The following SLC12A6 variants were observed in gnomAD, a reference collection of about 807,000 sequenced individuals.
SLC12A6 encodes K-Cl cotransporter 3.
SLC12A6 carries 66 observed loss-of-function variants against 135.3 expected under a neutral mutation model. That is an observed-to-expected ratio of 0.49 (90% CI 0.40 to 0.60). The LOEUF is 0.60. Ranked by LOEUF, SLC12A6 falls within the 20% of genes least tolerant of loss-of-function variation. SLC12A6 has a pLI of 0.00. For synonymous variants in SLC12A6, 513 were observed against 508.8 expected (o/e 1.01, Z -0.11); for missense variants, 1,058 against 1,452.3 (o/e 0.73, Z 4.41).
chr15:34,263,852 G>GC (rs1893321574), intron 3 of SLC12A6, among the ~76,000 whole-genome samples: 2 of 152,206 alleles, frequency 1.3e-5, no homozygotes, highest in South Asian at 4.1e-4. Context: ...GGTTCCCAAT[G>GC]CCCCAAAATG....
chr15:34,312,048 G>A (rs1465893503), intron 2 of SLC12A6, among the ~76,000 whole-genome samples: 7 of 152,074 alleles, frequency 4.6e-5, no homozygotes, highest in African/African-American at 1.7e-4. Context: ...CTTTATAGAT[G>A]GTACATAATC....
intron 3 of SLC12A6, among the ~76,000 whole-genome samples, chr15:34,270,617 A>C (rs931814595): frequency 3.9e-5 from 6 of 152,010 alleles, no homozygotes; most frequent in African/African-American, 7.3e-5. Context: ...AGACTGGACA[A>C]CATGGTGAAA....
chr15:34,307,098 G>T lies in SLC12A6; in HGVS notation c.271+29312C>A, dbSNP rs76872469. 2.7e-3 allele frequency among the ~76,000 whole-genome samples: 404 copies of T among 152,080 alleles called. 21 individuals carry two copies. The East Asian group carries it at 0.07, about 26-fold the overall frequency. On this transcript the variant is annotated intron_variant, in intron 2 of 25. Transcript: ENST00000354181. Reference sequence around the variant, plus strand: ...CTATCTTCATTATAATTATTTCATGGGCATATAAATGTCAAAATTCATCAA... The same window carrying T: ...CTATCTTCATTATAATTATTTCATGTGCATATAAATGTCAAAATTCATCAA...
At chr15:34,294,280 T>A (rs1411290607) in intron 2 of SLC12A6, among the ~76,000 whole-genome samples, 1 of 152,210 alleles carries the variant, frequency 6.6e-6, no homozygotes, top group African/African-American at 2.4e-5. Flanking sequence ...TCACCCAGGC[T>A]GGAGTGCAGT....
intron 2 of SLC12A6, among the ~76,000 whole-genome samples, chr15:34,291,970 T>C (rs1895567000): frequency 6.6e-6 from 1 of 152,182 alleles, no homozygotes; most frequent in Admixed American, 6.5e-5. Flanking sequence ...ACCGACCTTC[T>C]GAAGCCTACT....
chr15:34,280,466 CT>C (rs1243690849), intron 2 of SLC12A6, among the ~76,000 whole-genome samples: 1 of 152,112 alleles, frequency 6.6e-6, no homozygotes, highest in Admixed American at 6.6e-5. Flanking sequence ...GCATTTCTAA[CT>C]TTCTTAACTC....
intron 7 of SLC12A6, 54 bp from the exon 8 acceptor site, chr15:34,255,446 A>C: frequency 1.5e-6 from 2 of 1,318,752 alleles, no homozygotes; most frequent in Non-Finnish European, 2.2e-6. Context: ...TAGCAAGAGG[A>C]ATATGAATAA....
At chr15:34,271,196 T>A (rs1851291927) in intron 3 of SLC12A6, among the ~76,000 whole-genome samples, 1 of 152,214 alleles carries the variant, frequency 6.6e-6, no homozygotes, top group Non-Finnish European at 1.5e-5. Context: ...AATATTTTTC[T>A]TTTAATTTGT....
intron 9 of SLC12A6, 73 bp downstream of exon 9, chr15:34,254,275 A>G: frequency 6.9e-7 from 1 of 1,446,412 alleles, no homozygotes. Flanking sequence ...ATTCTGACTT[A>G]AAATTATCAC....
At chr15:34,336,295 C>T in intron 2 of SLC12A6, 115 bp downstream of exon 2, 1 of 873,298 alleles carries the variant, frequency 1.1e-6, no homozygotes, top group Non-Finnish European at 1.9e-6. Flanking sequence ...TGCCTTGGTT[C>T]CTGATGACTA....
intron 2 of SLC12A6, among the ~76,000 whole-genome samples, chr15:34,291,306 G>T (rs1895508260): frequency 6.6e-6 from 1 of 152,118 alleles, no homozygotes; most frequent in East Asian, 1.9e-4. Context: ...GTTGAATGTT[G>T]GCTCCCACTC....
Position 34,250,305 on chromosome 15 carries a change from T to G in SLC12A6, c.1642A>C (p.Arg548=). The G allele has an allele frequency of 2.6e-6, 4 of 1,558,720 alleles. No individual in the cohort carries two copies. The highest frequency in any genetic ancestry group is 3.5e-6 in the Non-Finnish European group (4 of 1,129,432). Residue 548 remains arginine (R), a synonymous_variant, in exon 13 of 26, where the codon AGA becomes CGA. Coordinates refer to ENST00000354181, the MANE Select transcript of SLC12A6 (RefSeq NM_001365088.1). ...FGACIEGVVL[R]DKFGDAVKGN... is the part of the protein sequence containing the mutation. ...AAGAAATTCATTACTCACTTGTCTC[T>G]GAGAACAACCCCTTCAATACATGCA...
At chr15:34,314,642 G>A (rs1420980399) in intron 2 of SLC12A6, 1 of 152,436 alleles carries the variant, frequency 6.6e-6, no homozygotes. Flanking sequence ...ATGGATCTAA[G>A]CAAAGTACAG....
Position 34,252,309 on chromosome 15 carries a change from G to A in SLC12A6, c.1194C>T (p.Asn398=), listed in dbSNP as rs1015089224. The A allele has an allele frequency of 4.3e-6, 7 of 1,612,028 alleles. No homozygotes were observed. The highest frequency in any genetic ancestry group is 5.9e-6 in the Non-Finnish European group (7 of 1,178,310). The change falls in exon 10 of 26, where the codon AAC becomes AAT. Residue 398 remains asparagine, a synonymous_variant. Transcript: ENST00000354181. The stretch of plus-strand genomic sequence containing the variant: ...CCCATAACTTTGATGGGACTGTCAT[G>A]TTGTTAATTTCCTTGGTCTTAGAGC... ...DVCSKTKEIN[N]MTVPSKLWGF... is the part of the protein sequence containing the mutation.
chr15:34,264,865 T>A (rs1893388766), intron 3 of SLC12A6, among the ~76,000 whole-genome samples: 1 of 152,256 alleles, frequency 6.6e-6, no homozygotes, highest in Non-Finnish European at 1.5e-5. Flanking sequence ...AAAAATGTAA[T>A]TCTTTTCCTC....
intron 2 of SLC12A6, among the ~76,000 whole-genome samples, chr15:34,314,983 T>C (rs1888535318): frequency 6.6e-6 from 1 of 152,144 alleles, no homozygotes; most frequent in Non-Finnish European, 1.5e-5. Context: ...ACTGAAAATG[T>C]GACTGAATTG....
At chr15:34,325,745 T>A (rs1251949003) in intron 2 of SLC12A6, among the ~76,000 whole-genome samples, 1 of 152,176 alleles carries the variant, frequency 6.6e-6, no homozygotes, top group African/African-American at 2.4e-5. Flanking sequence ...TAACTGAGGC[T>A]GAAAGGATCA....
intron 10 of SLC12A6, among the ~76,000 whole-genome samples, chr15:34,251,358 C>T (rs1172629709): frequency 6.6e-6 from 1 of 152,118 alleles, no homozygotes; most frequent in Non-Finnish European, 1.5e-5. Context: ...CGCCATTCTC[C>T]TGCCTCAGCA....
chr15:34,245,777 T>C lies in SLC12A6; in HGVS notation c.1740A>G (p.Thr580=), dbSNP rs1566807647. ...TGAGGCTCTGAAGTCCAGCCCCACA[T>C]GTTGAAAAGAAGGAGCCAATAACAA... ...WVIVIGSFFS[T]CGAGLQSLTG... The change falls in exon 14 of 26, where the codon ACA becomes ACG. Residue 580 remains threonine (T), a synonymous_variant. Transcript: ENST00000354181. The C allele has an allele frequency of 1.9e-6, 3 of 1,613,456 alleles. No homozygotes were observed. The highest frequency in any genetic ancestry group is 2.5e-6 in the Non-Finnish European group (3 of 1,179,424).
Sources: allele counts gnomAD v4.1 joint callset (sites outside exome capture counted in the v4.1 genomes callset), GRCh38; gene constraint gnomAD v4.1.1; transcripts MANE v1.5; gene names NCBI Gene and HGNC (gene_info 2026-07-23, HGNC 2026-07-21).